Variants in TTC6 observed in about 807,000 individuals in gnomAD.
TTC6 encodes tetratricopeptide repeat domain 6, also known as tetratricopeptide repeat protein 6.
TTC6 carries 172 observed loss-of-function variants against 210.4 expected under a neutral mutation model. That is an observed-to-expected ratio of 0.82 (90% CI 0.72 to 0.93). The LOEUF (loss-of-function observed/expected upper bound fraction) is 0.93, where lower values mean the gene tolerates loss of function less well. TTC6 is among the 40% of genes least tolerant of loss of function. The pLI is 0.00. For missense variants in TTC6, 2,414 were observed against 2,318.1 expected, an observed-to-expected ratio of 1.04 and a Z score of -0.85; for synonymous variants, 804 against 819.6, an observed-to-expected ratio of 0.98 and a Z score of 0.32.
exon 12 of TTC6, chr14:37,749,726 G>A (rs2095946254): frequency 4.9e-6 from 7 of 1,430,348 alleles, no homozygotes; most frequent in Non-Finnish European, 6.4e-6. Flanking sequence ...AATACTCTTG[G>A]AACCATTGTT....
At chr14:37,710,560 C>A (rs909150416) in intron 5 of TTC6, among the ~76,000 whole-genome samples, 2 of 152,090 alleles carry the variant, frequency 1.3e-5, no homozygotes, top group African/African-American at 4.8e-5. Flanking sequence ...GTTGTAATAT[C>A]AATCACTTTC....
chr14:37,786,722 CGGGGA>C (rs2096068640), intron 14 of TTC6, among the ~76,000 whole-genome samples: 1 of 152,182 alleles, frequency 6.6e-6, no homozygotes, highest in Admixed American at 6.5e-5. Flanking sequence ...ATCGCTCACG[CGGGGA>C]GCTGTAGACT....
intron 28 of TTC6, 59 bp from the exon 31 acceptor site, chr14:37,827,137 A>G (rs1402525610): frequency 5.1e-6 from 7 of 1,374,754 alleles, no homozygotes; most frequent in South Asian, 1.6e-5. Flanking sequence ...TTTGGCAGAC[A>G]TGACATCAGA....
chr14:37,741,349 T>C (rs1328662494), intron 10 of TTC6, among the ~76,000 whole-genome samples: 1 of 132,366 alleles, frequency 7.6e-6, no homozygotes, highest in Non-Finnish European at 1.5e-5. Flanking sequence ...TGGAGTGCAG[T>C]AGCACCTCGG....
intron 21 of TTC6, among the ~76,000 whole-genome samples, chr14:37,806,110 C>T (rs949805515): frequency 2.0e-5 from 3 of 152,162 alleles, no homozygotes; most frequent in African/African-American, 7.2e-5. Flanking sequence ...AATTATACCA[C>T]CTGAAATATT....
intron 24 of TTC6, among the ~76,000 whole-genome samples, 160 bp from the exon 27 acceptor site, chr14:37,812,154 G>A (rs149264908): frequency 6.6e-6 from 1 of 152,060 alleles, no homozygotes; most frequent in South Asian, 2.1e-4. Context: ...TTACCTAAGG[G>A]TACCCTTTAA....
chr14:37,749,206 A>C, exon 11 of TTC6: 7 of 1,531,442 alleles, frequency 4.6e-6, no homozygotes, highest in Non-Finnish European at 6.1e-6. Context: ...TGAAAGAACC[A>C]CCAAAACTAA....
intron 29 of TTC6, among the ~76,000 whole-genome samples, chr14:37,835,686 A>G (rs2096196211): frequency 6.6e-6 from 1 of 152,208 alleles, no homozygotes. Context: ...TAGAAGTTTT[A>G]AAGAGAAGAG....
intron 1 of TTC6, among the ~76,000 whole-genome samples, chr14:37,638,555 T>C (rs972326376): frequency 2.0e-5 from 3 of 149,308 alleles, no homozygotes; most frequent in East Asian, 4.0e-4. Flanking sequence ...GCCCCCGGCC[T>C]ATATAATATT....
intron 3 of TTC6, among the ~76,000 whole-genome samples, chr14:37,693,414 A>T (rs910284084): frequency 6.6e-6 from 1 of 152,176 alleles, no homozygotes; most frequent in Non-Finnish European, 1.5e-5. Flanking sequence ...GATTGGAAGA[A>T]CCAATATTGT....
chr14:37,752,641 A>G (rs972809001), intron 13 of TTC6, among the ~76,000 whole-genome samples: 3 of 152,156 alleles, frequency 2.0e-5, no homozygotes, highest in African/African-American at 4.8e-5. Flanking sequence ...TTGTATGTCA[A>G]TGTAAAATGA....
At chr14:37,600,745 T>C (rs2095614179) in intron 1 of TTC6, among the ~76,000 whole-genome samples, 2 of 152,246 alleles carry the variant, frequency 1.3e-5, no homozygotes, top group African/African-American at 4.8e-5. Flanking sequence ...ACTAATTTAC[T>C]GGCATGCCTA....
intron 1 of TTC6, among the ~76,000 whole-genome samples, chr14:37,634,431 A>G (rs1334935180): frequency 6.6e-6 from 1 of 152,196 alleles, no homozygotes; most frequent in Non-Finnish European, 1.5e-5. Context: ...ACTTGAGCTG[A>G]AAACAGAGAC....
At chr14:37,820,802 G>A (rs564185277) in intron 26 of TTC6, among the ~76,000 whole-genome samples, 2 of 152,202 alleles carry the variant, frequency 1.3e-5, no homozygotes, top group South Asian at 4.2e-4. Flanking sequence ...TATGATTCCT[G>A]ATAAGGAATT....
chr14:37,669,242 A>G (rs755063909), intron 1 of TTC6, among the ~76,000 whole-genome samples: 4 of 152,182 alleles, frequency 2.6e-5, no homozygotes, highest in Non-Finnish European at 5.9e-5. Context: ...TAAGCACACA[A>G]CCATGGGGCT....
At chr14:37,680,865 C>T (rs912839606) in intron 2 of TTC6, among the ~76,000 whole-genome samples, 2 of 152,092 alleles carry the variant, frequency 1.3e-5, no homozygotes, top group Non-Finnish European at 2.9e-5. Flanking sequence ...CATTAAATAA[C>T]AAGCTCCTGT....
chr14:37,726,026 G>T (rs2095872429), intron 7 of TTC6, among the ~76,000 whole-genome samples: 1 of 151,240 alleles, frequency 6.6e-6, no homozygotes, highest in South Asian at 2.1e-4. Context: ...CCCACTTTTT[G>T]GTTCATTTTC....
At chr14:37,601,865 TCCACA>T (rs775447365) in intron 1 of TTC6, among the ~76,000 whole-genome samples, 3 of 152,232 alleles carry the variant, frequency 2.0e-5, no homozygotes, top group Non-Finnish European at 4.4e-5. Context: ...AAAGGCAGCA[TCCACA>T]CCTTTCAATA....
At chr14:37,665,622 A>G (rs1400773710) in intron 1 of TTC6, among the ~76,000 whole-genome samples, 1 of 150,568 alleles carries the variant, frequency 6.6e-6, no homozygotes, top group East Asian at 1.9e-4. Context: ...ACAAACCTGC[A>G]CGTCCTGCAC....
Sources: allele counts gnomAD v4.1 joint callset (sites outside exome capture counted in the v4.1 genomes callset), GRCh38; gene constraint gnomAD v4.1.1; transcripts MANE v1.5; gene names NCBI Gene and HGNC (gene_info 2026-07-23, HGNC 2026-07-21).